TNFRSF9: variants seen among roughly 807,000 people sequenced by gnomAD.
TNFRSF9 encodes the protein TNF receptor superfamily member 9, also known as tumor necrosis factor receptor superfamily member 9.
Under a neutral mutation model 28.8 loss-of-function variants are expected in TNFRSF9, and 16 were observed. The observed-to-expected ratio is 0.55, with a 90% confidence interval of 0.38 to 0.84. TNFRSF9 has a LOEUF of 0.84. Ranked by LOEUF, TNFRSF9 falls within the 40% of genes least tolerant of loss-of-function variation. The pLI, the probability that TNFRSF9 is intolerant of heterozygous loss-of-function variation, is 0.00. For missense variants in TNFRSF9, 303 were observed against 315.0 expected (o/e 0.96, Z 0.29); for synonymous variants, 131 against 117.0 (o/e 1.12, Z -0.77).
intron 3 of TNFRSF9, 146 bp from the exon 4 acceptor site, chr1:7,938,476 G>A: frequency 9.9e-7 from 1 of 1,006,728 alleles, no homozygotes. Flanking sequence ...TCTCCATAAA[G>A]ACATTTTTAC....
intron 7 of TNFRSF9, among the ~76,000 whole-genome samples, 195 bp downstream of exon 7, chr1:7,932,967 C>T (rs1356855368): frequency 6.6e-6 from 1 of 152,186 alleles, no homozygotes; most frequent in African/African-American, 2.4e-5. Flanking sequence ...CTAATCACCA[C>T]CATCACCACC....
chr1:7,926,192 C>A (rs1027982395), intron 7 of TNFRSF9, among the ~76,000 whole-genome samples: 3 of 152,146 alleles, frequency 2.0e-5, no homozygotes, highest in African/African-American at 7.2e-5. Context: ...TGAGCCACTG[C>A]GCCTGGCAAA....
intron 7 of TNFRSF9, among the ~76,000 whole-genome samples, chr1:7,931,869 C>T (rs534772754): frequency 6.6e-6 from 1 of 152,336 alleles, no homozygotes; most frequent in South Asian, 2.1e-4. Context: ...ACTGGCTGAG[C>T]GCAGTGGCTC....
At chr1:7,932,669 ACATACACACACGCACGCACGCG>A in intron 7 of TNFRSF9, among the ~76,000 whole-genome samples, 1 of 151,520 alleles carries the variant, frequency 6.6e-6, no homozygotes, top group African/African-American at 2.4e-5. Flanking sequence ...GCACACACAC[ACATACACACACGCACGCACGCG>A]CACACACACA....
chr1:7,936,418 A>AAAACAAAC lies in TNFRSF9; in HGVS notation c.413+1264_413+1271dup, dbSNP rs9657973. ...GGCAAGAAGAGCGAAACTCCATCTC[A>AAAACAAAC]AAACAAACAAACAAACAAACAAACA... On this transcript the variant is annotated intron_variant, in intron 5 of 7. Coordinates refer to ENST00000377507, the MANE Select transcript of TNFRSF9 (RefSeq NM_001561.6). The AAAACAAAC allele has an allele frequency of 2.7e-3, 434 of 159,102 alleles. 2 individuals carry two copies. Among genetic ancestry groups the AAAACAAAC allele is most frequent in the Middle Eastern group, 0.015 (5 of 334 alleles). The allele number at this position is 159,102 out of a possible 1,614,324, so 9.9% of individuals were successfully genotyped here.
rs1173865364 is a variant in TNFRSF9, at chr1:7,938,814, T to C, written c.115A>G (p.Asn39Asp). 1.9e-6 allele frequency: 3 copies of C among 1,612,928 alleles called. No individual in the cohort carries two copies. Among genetic ancestry groups the C allele is most frequent in the Non-Finnish European group, 2.5e-6 (3 of 1,179,122 alleles). ...GGACTGCAAATCTGATTCCTGTTAT[T>C]ATCACAGAATGTACCTAAGAAAGGC... Reference protein sequence around the residue: ...SNCPAGTFCDNNRNQICSPCP... With the variant: ...SNCPAGTFCDDNRNQICSPCP... The change falls in exon 3 of 8, where the codon AAT (asparagine) becomes GAT (aspartate). Residue 39 changes from asparagine to aspartate, a missense_variant. Asn to Asp is a conservative substitution (Grantham distance 23). Coordinates refer to ENST00000377507, the MANE Select transcript of TNFRSF9 (RefSeq NM_001561.6).
intron 6 of TNFRSF9, among the ~76,000 whole-genome samples, chr1:7,934,332 AAG>A (rs1374490120): frequency 6.7e-6 from 1 of 149,076 alleles, no homozygotes; most frequent in African/African-American, 2.5e-5. Flanking sequence ...AGCCAATATC[AAG>A]CCACTGCACT....
intron 7 of TNFRSF9, among the ~76,000 whole-genome samples, chr1:7,923,247 A>G (rs1243699027): frequency 1.3e-5 from 2 of 152,142 alleles, no homozygotes; most frequent in Non-Finnish European, 2.9e-5. Context: ...AAACACCACA[A>G]AAAACACCGT....
At position 7,938,253 on chromosome 1, in the gene TNFRSF9, C is replaced by G. The variant is rs759034075; in HGVS notation, c.286G>C (p.Gly96Arg). ...TGTTCACACATGCTGCATCCTGCCC[C>G]CAGGCAGTGAAACCCTGGAGTGCAG... ...CDCTPGFHCL[G>R]AGCSMCEQDC... is the part of the protein sequence containing the mutation. The change falls in exon 4 of 8, where the codon GGG becomes CGG. Residue 96 changes from glycine (G) to arginine (R), a missense_variant. Coordinates refer to ENST00000377507, the MANE Select transcript of TNFRSF9 (RefSeq NM_001561.6). 2.6e-5 allele frequency: 42 copies of G among 1,608,324 alleles called. No individual in the cohort carries two copies. Among genetic ancestry groups the G allele is most frequent in the Non-Finnish European group, 3.5e-5 (41 of 1,177,688 alleles).
rs752741074 is a variant in TNFRSF9, at chr1:7,932,563, A to C, written c.679+599T>G. Among the ~76,000 whole-genome samples, 65 of 152,084 alleles carry C rather than the reference A, an allele frequency of 4.3e-4. 2 individuals carry two copies. Among genetic ancestry groups the C allele is most frequent in the Non-Finnish European group, 1.2e-4 (8 of 68,028 alleles). On this transcript the variant is annotated intron_variant, in intron 7 of 7. Coordinates refer to ENST00000377507, the MANE Select transcript of TNFRSF9 (RefSeq NM_001561.6). ...CTCTTTGTTCTCCTTGCCTTCCTCAAATATGGGTCTAAACTCATTTTAAGC... is the reference window on the plus strand; with the variant it reads ...CTCTTTGTTCTCCTTGCCTTCCTCACATATGGGTCTAAACTCATTTTAAGC...
chr1:7,925,014 A>T (rs188114497), intron 7 of TNFRSF9, among the ~76,000 whole-genome samples: 66 of 152,122 alleles, frequency 4.3e-4, no homozygotes, highest in Middle Eastern at 3.4e-3. Flanking sequence ...GTTAAAAAAA[A>T]TTTTTTTTAA....
chr1:7,933,462 C>CAT (rs2151417863), intron 6 of TNFRSF9, among the ~76,000 whole-genome samples, 166 bp from the exon 7 acceptor site: 1 of 152,298 alleles, frequency 6.6e-6, no homozygotes, highest in East Asian at 1.9e-4. Context: ...AGAGGCCAGA[C>CAT]ATGGTGGCTC....
intron 7 of TNFRSF9, among the ~76,000 whole-genome samples, chr1:7,926,877 AAAC>A (rs1639664392): frequency 6.6e-6 from 1 of 152,142 alleles, no homozygotes; most frequent in African/African-American, 2.4e-5. Flanking sequence ...CCAACAACAA[AAAC>A]AACAACAAAA....
intron 2 of TNFRSF9, 75 bp from the exon 3 acceptor site, chr1:7,938,903 T>A: frequency 9.9e-7 from 1 of 1,013,510 alleles, no homozygotes. Flanking sequence ...AAGTTTACAA[T>A]AAAATAAGAT....
chr1:7,939,228 G>C (rs528876580), intron 2 of TNFRSF9, among the ~76,000 whole-genome samples: 14 of 151,648 alleles, frequency 9.2e-5, no homozygotes, highest in African/African-American at 3.4e-4. Flanking sequence ...GCTGAGGCAG[G>C]AGAATTGCTT....
intron 7 of TNFRSF9, among the ~76,000 whole-genome samples, chr1:7,929,967 C>CTTTT (rs56299901): frequency 0.032 from 3,565 of 112,998 alleles, 265 homozygotes; most frequent in African/African-American, 0.12. Flanking sequence ...GACCTAAAAC[C>CTTTT]TTTTTTTTTT....
chr1:7,923,665 C>G (rs1372280603), intron 7 of TNFRSF9, among the ~76,000 whole-genome samples: 2 of 152,170 alleles, frequency 1.3e-5, no homozygotes, highest in Admixed American at 1.3e-4. Flanking sequence ...GAGCAAGACC[C>G]TGTCTCTACA....
intron 7 of TNFRSF9, among the ~76,000 whole-genome samples, chr1:7,930,830 G>T (rs1460629610): frequency 1.3e-5 from 2 of 152,080 alleles, no homozygotes; most frequent in Non-Finnish European, 2.9e-5. Flanking sequence ...TTAAACTGGA[G>T]GTGTAGACCT....
intron 7 of TNFRSF9, among the ~76,000 whole-genome samples, chr1:7,929,157 C>CTTTTTTTTTTTTTTTTTTTTTTTT (rs1491203940): frequency 3.1e-5 from 2 of 65,440 alleles, no homozygotes; most frequent in Non-Finnish European, 7.8e-5. Context: ...TTTTCTTTTT[C>CTTTTTTTTTTTTTTTTTTTTTTTT]CTTTTTTTTT....
Sources: allele counts gnomAD v4.1 joint callset (sites outside exome capture counted in the v4.1 genomes callset), GRCh38; gene constraint gnomAD v4.1.1; transcripts MANE v1.5; gene names NCBI Gene and HGNC (gene_info 2026-07-23, HGNC 2026-07-21).